Variants in UVRAG observed in about 807,000 individuals in gnomAD.
The protein encoded by UVRAG is UV radiation resistance associated.
In UVRAG, 19 loss-of-function variants were observed where a neutral mutation model predicts 78.0. The ratio of observed to expected loss-of-function variants is 0.24; its 90% CI spans 0.17 to 0.36. UVRAG has a LOEUF of 0.36. Among genes scored for constraint, UVRAG ranks in the 10% least tolerant of loss-of-function variants. The probability of loss-of-function intolerance (pLI) is 1.00; values close to 1 mark genes in which losing one functional copy is unlikely to be tolerated. For missense variants in UVRAG, 740 were observed against 853.8 expected (o/e 0.87, Z 1.66); for synonymous variants, 323 against 324.6 (o/e 1.00, Z 0.05).
chr11:75,957,550 A>G (rs963419791), intron 6 of UVRAG, among the ~76,000 whole-genome samples: 9 of 152,004 alleles, frequency 5.9e-5, no homozygotes, highest in Non-Finnish European at 1.0e-4. Flanking sequence ...AAATTACAGT[A>G]TCATCTTACT....
chr11:76,131,754 G>A (rs959102217), intron 14 of UVRAG, among the ~76,000 whole-genome samples: 1 of 152,146 alleles, frequency 6.6e-6, no homozygotes, highest in African/African-American at 2.4e-5. Context: ...AATGGTGAGA[G>A]GCCTTTGGAT....
chr11:75,818,016 C>T (rs1454225119), intron 1 of UVRAG, among the ~76,000 whole-genome samples: 7 of 151,818 alleles, frequency 4.6e-5, no homozygotes, highest in African/African-American at 9.7e-5. Flanking sequence ...GCCGAGATTG[C>T]GCCACTGCAC....
rs1945267336 is a variant in UVRAG at position 75,816,600 on chromosome 11, G to A, written c.117+1076G>A. Among the ~76,000 whole-genome samples the A allele has an allele frequency of 2.0e-5, 3 of 152,336 alleles. No homozygotes were observed. In the South Asian group the frequency reaches 6.2e-4, roughly 32 times the overall value. ...CCATTTGGCAGTTGAGGAAACTGAGGCTTGTCCAGAGCCTTCCAGTTAGTA... is the reference window on the plus strand; with the variant it reads ...CCATTTGGCAGTTGAGGAAACTGAGACTTGTCCAGAGCCTTCCAGTTAGTA... On this transcript the variant is annotated intron_variant, in intron 1 of 14. Coordinates refer to ENST00000356136, the MANE Select transcript of UVRAG (RefSeq NM_003369.4).
At chr11:75,943,303 G>GTT (rs754035715) in intron 6 of UVRAG, among the ~76,000 whole-genome samples, 314 of 126,518 alleles carry the variant, frequency 2.5e-3, no homozygotes, top group African/African-American at 8.6e-3. Context: ...CACTTTTCCT[G>GTT]TTTTTTTTTT....
Position 75,928,939 on chromosome 11 carries a change from C to CAAAA in UVRAG, c.593+16922_593+16925dup, listed in dbSNP as rs368913080. ...CCTGGGCGACAGAGCGAGACTGTCTCAAAAAAAAAAAAAAAAAAAAAAAAA... is the reference window on the plus strand; with the variant it reads ...CCTGGGCGACAGAGCGAGACTGTCTCAAAAAAAAAAAAAAAAAAAAAAAAAAAAA... On this transcript the variant is annotated intron_variant, in intron 6 of 14. Coordinates refer to ENST00000356136, the MANE Select transcript of UVRAG (RefSeq NM_003369.4). Among the ~76,000 whole-genome samples the CAAAA allele has an allele frequency of 5.3e-3, 359 of 67,238 alleles. 25 individuals are homozygous for CAAAA. The highest frequency in any genetic ancestry group is 0.019 in the Middle Eastern group (1 of 52). 44.1% of individuals were successfully genotyped at this position (67,238 alleles called of 152,430 possible).
rs147891657 is a variant in UVRAG, at chr11:76,059,532, A to G, written c.1227-6178A>G. ...GCAACATTGGGTGATGTCTAGAGAC[A>G]TTTTTGGTTATCACAGCTGGGAGTC... On this transcript the variant is annotated intron_variant, in intron 12 of 14. Transcript: ENST00000356136. Among the ~76,000 whole-genome samples the G allele has an allele frequency of 4.7e-3, 720 of 152,308 alleles. 5 individuals carry two copies. The highest frequency in any genetic ancestry group is 0.016 in the African/African-American group (684 of 41,572).
chr11:75,902,090 G>A (rs979263446), intron 5 of UVRAG, among the ~76,000 whole-genome samples: 18 of 152,182 alleles, frequency 1.2e-4, no homozygotes, highest in African/African-American at 4.3e-4. Context: ...CACTGTGTCT[G>A]GCATGTAATA....
At chr11:75,884,240 T>TCTCTCTCTCTCTCTCTCTC (rs1555080662) in intron 4 of UVRAG, among the ~76,000 whole-genome samples, 2 of 132,468 alleles carry the variant, frequency 1.5e-5, no homozygotes, top group African/African-American at 6.4e-5. Flanking sequence ...CTCTCTCTCT[T>TCTCTCTCTCTCTCTCTCTC]TCTCTCTCTC....
intron 6 of UVRAG, chr11:75,914,273 T>C (rs1281858266): frequency 6.6e-6 from 1 of 152,228 alleles, no homozygotes; most frequent in Non-Finnish European, 1.5e-5. Context: ...TGTGTGCCTA[T>C]TGAATTAAAC....
In UVRAG at chr11:76,000,741, A is replaced by G. The variant is rs187552604; in HGVS notation, c.827-3264A>G. On this transcript the variant is annotated intron_variant, in intron 8 of 14. Coordinates refer to ENST00000356136, the MANE Select transcript of UVRAG (RefSeq NM_003369.4). ...TCTATATTAATATCTGGCAAAGTAG[A>G]CTTCAAAACAAGGATTACTACCTGG... Among the ~76,000 whole-genome samples the G allele has an allele frequency of 2.5e-3, 381 of 152,360 alleles. 1 individual carries two copies. Among genetic ancestry groups the G allele is most frequent in the Admixed American group, 9.1e-3 (139 of 15,304 alleles).
At chr11:75,950,683 C>G (rs559226971) in intron 6 of UVRAG, among the ~76,000 whole-genome samples, 71 of 152,212 alleles carry the variant, frequency 4.7e-4, no homozygotes, top group African/African-American at 1.6e-3. Flanking sequence ...TTGAAAAGTT[C>G]CAGTTGCTCT....
intron 6 of UVRAG, among the ~76,000 whole-genome samples, chr11:75,929,597 G>C (rs914033365): frequency 6.6e-6 from 1 of 152,136 alleles, no homozygotes; most frequent in Admixed American, 6.5e-5. Context: ...ATGTTGGTGA[G>C]GGAGAGAAAT....
At chr11:76,117,055 G>A (rs997332009) in intron 14 of UVRAG, among the ~76,000 whole-genome samples, 12 of 152,172 alleles carry the variant, frequency 7.9e-5, no homozygotes, top group Admixed American at 5.9e-4. Context: ...GAGGAATTAA[G>A]TTTTAAAGTA....
chr11:76,085,219 A>T (rs1951567423), intron 13 of UVRAG, among the ~76,000 whole-genome samples: 1 of 152,194 alleles, frequency 6.6e-6, no homozygotes, highest in South Asian at 2.1e-4. Context: ...TCATTTGAGG[A>T]ATCCATAAAT....
chr11:76,021,555 G>C (rs1162220258), intron 12 of UVRAG, among the ~76,000 whole-genome samples: 3 of 151,984 alleles, frequency 2.0e-5, no homozygotes, highest in Admixed American at 2.0e-4. Context: ...CATTCTGCTA[G>C]CTTTGTGTTT....
At chr11:75,824,460 C>T (rs1247910672) in intron 1 of UVRAG, among the ~76,000 whole-genome samples, 1 of 150,238 alleles carries the variant, frequency 6.7e-6, no homozygotes, top group Admixed American at 6.6e-5. Context: ...TCTACAGGAT[C>T]ACAATTCTTT....
chr11:76,010,722 G>A (rs1950034257), intron 11 of UVRAG, among the ~76,000 whole-genome samples: 1 of 152,158 alleles, frequency 6.6e-6, no homozygotes, highest in Admixed American at 6.5e-5. Context: ...TCATATAGGA[G>A]GTACTCAATA....
At chr11:75,998,224 A>T (rs978336775) in intron 8 of UVRAG, among the ~76,000 whole-genome samples, 1 of 152,192 alleles carries the variant, frequency 6.6e-6, no homozygotes, top group Non-Finnish European at 1.5e-5. Context: ...GAGGCTTTTT[A>T]TGGAAATAAA....
intron 12 of UVRAG, among the ~76,000 whole-genome samples, chr11:76,035,095 G>T (rs915005726): frequency 1.3e-5 from 2 of 152,092 alleles, no homozygotes; most frequent in Non-Finnish European, 2.9e-5. Context: ...AACTTCTGTT[G>T]TAAGATGTTC....
Sources: allele counts gnomAD v4.1 joint callset (sites outside exome capture counted in the v4.1 genomes callset), GRCh38; gene constraint gnomAD v4.1.1; transcripts MANE v1.5; gene names NCBI Gene and HGNC (gene_info 2026-07-23, HGNC 2026-07-21).